The following RBM6 variants were observed in gnomAD, a reference collection of about 807,000 sequenced individuals.
The protein encoded by RBM6 is RNA-binding protein 6.
RBM6 carries 23 observed loss-of-function variants against 140.4 expected under a neutral mutation model. The ratio of observed to expected loss-of-function variants is 0.16; its 90% confidence interval spans 0.12 to 0.23. The LOEUF is 0.23. Among genes scored for constraint, RBM6 ranks in the 10% least tolerant of loss-of-function variants. The pLI is 1.00. For missense variants in RBM6, 1,139 were observed against 1,386.7 expected, an observed-to-expected ratio of 0.82 and a Z score of 2.84; for synonymous variants, 439 against 475.6, an observed-to-expected ratio of 0.92 and a Z score of 1.00.
At chr3:50,051,505 G>A (rs1407290013) in intron 7 of RBM6, among the ~76,000 whole-genome samples, 1 of 152,208 alleles carries the variant, frequency 6.6e-6, no homozygotes, top group African/African-American at 2.4e-5. Context: ...GCTGGGCATG[G>A]TGGCACATGC....
chr3:49,982,219 CGTT>C (rs1191759191), intron 5 of RBM6, among the ~76,000 whole-genome samples: 2 of 146,234 alleles, frequency 1.4e-5, no homozygotes, highest in African/African-American at 5.1e-5. Context: ...CTGAAAGTGA[CGTT>C]GTAGCAAAGG....
At position 50,027,860 on chromosome 3, in the gene RBM6, C is replaced by T. The variant is rs571679709; in HGVS notation, c.1558-20385C>T. On this transcript the variant is annotated intron_variant, in intron 6 of 20. Transcript: ENST00000266022. ...CTCTTCGATATATACCAAAGAGCCACAATGCTAAAACTTCCAGCTTTTTAC... is the reference window on the plus strand; with the variant it reads ...CTCTTCGATATATACCAAAGAGCCATAATGCTAAAACTTCCAGCTTTTTAC... 1.8e-3 allele frequency among the ~76,000 whole-genome samples: 277 copies of T among 152,300 alleles called. 1 individual carries two copies. Among genetic ancestry groups the T allele is most frequent in the Non-Finnish European group, 3.1e-3 (214 of 68,038 alleles).
At chr3:49,978,719 C>T (rs1480314898) in intron 5 of RBM6, among the ~76,000 whole-genome samples, 2 of 152,272 alleles carry the variant, frequency 1.3e-5, no homozygotes, top group South Asian at 2.1e-4. Context: ...AATAAAGTCT[C>T]ACAGTATAGG....
chr3:50,062,000 G>A lies in RBM6; in HGVS notation c.2478G>A (p.Glu826=). The change falls in exon 15 of 21, where the codon GAG becomes GAA. Residue 826 remains glutamate (E), a synonymous_variant. Coordinates refer to ENST00000266022, the MANE Select transcript of RBM6 (RefSeq NM_005777.3). ...TGCCCCAGGATCCTGGATTACCTGAGGAAGAAGAGATCAAGGAAAAAAAAC... is the reference window on the plus strand; with the variant it reads ...TGCCCCAGGATCCTGGATTACCTGAAGAAGAAGAGATCAAGGAAAAAAAAC... The part of the protein sequence containing the change: ...VYVPQDPGLP[E]EEEIKEKKPT... 2 of 1,613,876 alleles carry A rather than the reference G, an allele frequency of 1.2e-6. No homozygotes were observed. The highest frequency in any genetic ancestry group is 1.7e-6 in the Non-Finnish European group (2 of 1,179,942).
intron 19 of RBM6, 116 bp downstream of exon 19, chr3:50,070,668 G>A: frequency 4.0e-6 from 3 of 743,390 alleles, no homozygotes; most frequent in Middle Eastern, 4.8e-4. Context: ...AGTAGATTCT[G>A]TCTGAACTGC....
chr3:50,054,308 T>A (rs1189540767), intron 7 of RBM6, 27 bp from the exon 8 acceptor site: 1 of 1,578,472 alleles, frequency 6.3e-7, no homozygotes, highest in Non-Finnish European at 8.7e-7. Flanking sequence ...ATGTTTTCAG[T>A]CAAATTGATT....
intron 7 of RBM6, among the ~76,000 whole-genome samples, chr3:50,052,756 C>T (rs1431815165): frequency 6.6e-6 from 1 of 152,146 alleles, no homozygotes; most frequent in African/African-American, 2.4e-5. Context: ...TCCCAGGACC[C>T]AGGCGGAAGA....
chr3:49,953,847 T>C (rs1032875831), intron 1 of RBM6, among the ~76,000 whole-genome samples: 5 of 152,042 alleles, frequency 3.3e-5, no homozygotes, highest in African/African-American at 1.2e-4. Context: ...AAAAAAATTT[T>C]GTAGGCTGGG....
At chr3:49,945,658 G>T (rs563933274) in intron 1 of RBM6, among the ~76,000 whole-genome samples, 1 of 151,968 alleles carries the variant, frequency 6.6e-6, no homozygotes, top group Non-Finnish European at 1.5e-5. Flanking sequence ...TGAGGCAGGC[G>T]GATCACAAGG....
intron 6 of RBM6, among the ~76,000 whole-genome samples, chr3:50,036,545 T>C (rs376418818): frequency 1.1e-4 from 16 of 152,182 alleles, no homozygotes; most frequent in African/African-American, 3.6e-4. Context: ...GTTAAGATAT[T>C]ATAGCCATTA....
chr3:50,036,670 G>A (rs947018030), intron 6 of RBM6, among the ~76,000 whole-genome samples: 3 of 152,214 alleles, frequency 2.0e-5, no homozygotes, highest in Non-Finnish European at 4.4e-5. Context: ...ATCAAGGGCT[G>A]AAGTTTGATA....
intron 6 of RBM6, among the ~76,000 whole-genome samples, chr3:50,011,156 A>G (rs777967331): frequency 3.3e-5 from 5 of 151,920 alleles, no homozygotes; most frequent in Non-Finnish European, 7.4e-5. Context: ...GAGCCCAGGA[A>G]TTCGAGTGAG....
chr3:50,011,835 C>A (rs1471764244), intron 6 of RBM6, among the ~76,000 whole-genome samples: 1 of 144,902 alleles, frequency 6.9e-6, no homozygotes, highest in East Asian at 2.0e-4. Flanking sequence ...TTTTTCTTTT[C>A]TTTCTTTTTT....
intron 5 of RBM6, among the ~76,000 whole-genome samples, chr3:49,982,612 TTCA>T (rs1224306862): frequency 6.6e-6 from 1 of 151,684 alleles, no homozygotes; most frequent in East Asian, 1.9e-4. Flanking sequence ...GAGACGGGGT[TTCA>T]TCATGTTGGC....
intron 6 of RBM6, among the ~76,000 whole-genome samples, chr3:50,033,880 T>A (rs1356010879): frequency 2.0e-5 from 3 of 151,986 alleles, no homozygotes; most frequent in Non-Finnish European, 4.4e-5. Flanking sequence ...GACCTCGTGA[T>A]CCCCCTGCCT....
rs368462323 is a variant in RBM6 at position 50,057,750 on chromosome 3, A to G, written c.1716A>G (p.Leu572=). 2 of 1,612,952 alleles carry G rather than the reference A, an allele frequency of 1.2e-6. No homozygotes were observed. Among genetic ancestry groups the G allele is most frequent in the Non-Finnish European group, 1.7e-6 (2 of 1,179,804 alleles). Residue 572 remains leucine (L), a synonymous_variant, in exon 9 of 21, where the codon TTA becomes TTG. Coordinates refer to ENST00000266022, the MANE Select transcript of RBM6 (RefSeq NM_005777.3). ...TAGTGACAGAGGCCAAGCAAGAATT[A>G]ATAACCTACCCTCAGCCTCAGAAAA... The part of the protein sequence containing the change: ...PREVTEAKQE[L]ITYPQPQKTS...
chr3:50,024,836 C>T (rs1299027019), intron 6 of RBM6, among the ~76,000 whole-genome samples: 1 of 151,848 alleles, frequency 6.6e-6, no homozygotes, highest in Non-Finnish European at 1.5e-5. Flanking sequence ...CCCTGTAGTC[C>T]CAGCTACTCA....
rs2089777462 is a variant in RBM6, at chr3:50,057,867, A to G, written c.1833A>G (p.Gln611=). Reference sequence around the variant, plus strand: ...AACCCAGGAAGAGGGAAGAAGGCCAAGAGTCACGCTTAGGACATCAAAAGA... The same window carrying G: ...AACCCAGGAAGAGGGAAGAAGGCCAGGAGTCACGCTTAGGACATCAAAAGA... ...EPEPRKREEG[Q]ESRLGHQKRE... The change falls in exon 9 of 21, where the codon CAA becomes CAG. Residue 611 remains glutamine, a synonymous_variant. Coordinates refer to ENST00000266022, the MANE Select transcript of RBM6 (RefSeq NM_005777.3). 3 of 1,614,006 alleles carry G rather than the reference A, an allele frequency of 1.9e-6. No homozygotes were observed. The Admixed American group carries it at 5.0e-5, about 27-fold the overall frequency.
At chr3:50,052,986 GGTGTGT>G (rs57244510) in intron 7 of RBM6, among the ~76,000 whole-genome samples, 40,822 of 134,356 alleles carry the variant, frequency 0.3, 6,278 homozygotes, top group South Asian at 0.38. Flanking sequence ...AGTGGGCAGG[GGTGTGT>G]GTGTGTGTGT....
Sources: gnomAD v4.1 joint callset for allele counts (sites outside exome capture counted in the v4.1 genomes callset) on GRCh38, gnomAD v4.1.1 for gene constraint, MANE v1.5 for transcripts, NCBI Gene and HGNC (gene_info 2026-07-23, HGNC 2026-07-21) for gene names.